TSNARE1: variants seen among roughly 807,000 people sequenced by gnomAD.
TSNARE1 encodes t-SNARE domain-containing protein 1.
TSNARE1 carries 49 observed loss-of-function variants against 62.0 expected under a neutral mutation model. That is an observed-to-expected ratio of 0.79 (90% CI 0.63 to 1.00). The LOEUF (loss-of-function observed/expected upper bound fraction) is 1.00, where lower values mean the gene tolerates loss of function less well. Ranked by LOEUF, TSNARE1 falls within the 50% of genes least tolerant of loss-of-function variation. TSNARE1 has a pLI of 0.00. For synonymous variants in TSNARE1, 328 were observed against 294.4 expected (o/e 1.11, Z -1.17); for missense variants, 755 against 700.1 (o/e 1.08, Z -0.88).
chr8:142,331,659 G>C (rs1042863358), intron 5 of TSNARE1, 95 bp downstream of exon 5: 4 of 1,224,310 alleles, frequency 3.3e-6, no homozygotes, highest in East Asian at 2.6e-5. Context: ...GATGGCCTGA[G>C]GGGGGAAGCC....
intron 6 of TSNARE1, among the ~76,000 whole-genome samples, chr8:142,324,484 T>G (rs1829915426): frequency 6.6e-6 from 1 of 152,160 alleles, no homozygotes; most frequent in Non-Finnish European, 1.5e-5. Context: ...TGAGGCCCAT[T>G]TGCCCTAGCG....
chr8:142,281,146 G>C (rs1276460852), intron 11 of TSNARE1, among the ~76,000 whole-genome samples: 1 of 152,180 alleles, frequency 6.6e-6, no homozygotes, highest in Non-Finnish European at 1.5e-5. Flanking sequence ...AGCTCAGTCA[G>C]GGCATGGAGG....
chr8:142,375,993 C>G (rs1296442642), intron 1 of TSNARE1, among the ~76,000 whole-genome samples: 2 of 152,108 alleles, frequency 1.3e-5, no homozygotes, highest in Non-Finnish European at 2.9e-5. Flanking sequence ...CAACAGAGGC[C>G]CCTGTGCTGG....
chr8:142,380,835 A>G (rs577080616), intron 1 of TSNARE1, among the ~76,000 whole-genome samples: 2 of 152,262 alleles, frequency 1.3e-5, no homozygotes, highest in African/African-American at 4.8e-5. Context: ...AGTTTTCTAC[A>G]AGGAACGAGT....
intron 12 of TSNARE1, among the ~76,000 whole-genome samples, chr8:142,265,793 G>T (rs1027544591): frequency 5.9e-5 from 9 of 152,182 alleles, no homozygotes; most frequent in African/African-American, 2.2e-4. Flanking sequence ...CGCGGTGTGG[G>T]CTTAATGTGT....
At chr8:142,403,791 G>T (rs9802048), upstream of TSNARE1, 124,029 of 152,242 alleles carry the variant, frequency 0.81, 50,583 homozygotes, top group Middle Eastern at 0.85. Context: ...GTGCAGAGTA[G>T]GGAGCCCCTT....
intron 1 of TSNARE1, among the ~76,000 whole-genome samples, chr8:142,389,475 A>T (rs1194913014): frequency 2.0e-5 from 3 of 152,252 alleles, no homozygotes. Context: ...CTGAACATTT[A>T]TCCTGCACAT....
At chr8:142,305,052 C>T (rs1826432598) in intron 9 of TSNARE1, among the ~76,000 whole-genome samples, 1 of 152,188 alleles carries the variant, frequency 6.6e-6, no homozygotes, top group South Asian at 2.1e-4. Context: ...AGCCTGCCCT[C>T]GGCCCTGACA....
chr8:142,387,365 T>C (rs1416539566), intron 1 of TSNARE1, among the ~76,000 whole-genome samples: 1 of 152,050 alleles, frequency 6.6e-6, no homozygotes, highest in Non-Finnish European at 1.5e-5. Flanking sequence ...ACCAGACATT[T>C]AGAAAAACGA....
intron 12 of TSNARE1, among the ~76,000 whole-genome samples, chr8:142,262,362 ATTT>A (rs1271999201): frequency 6.6e-6 from 1 of 151,752 alleles, no homozygotes; most frequent in Admixed American, 6.6e-5. Flanking sequence ...TTTATTTAGA[ATTT>A]TTTATGTATT....
intron 12 of TSNARE1, among the ~76,000 whole-genome samples, chr8:142,250,217 C>T (rs1818094944): frequency 6.6e-6 from 1 of 152,144 alleles, no homozygotes; most frequent in African/African-American, 2.4e-5. Context: ...CGGATTTTTA[C>T]AGCCATTCTC....
chr8:142,286,136 C>T (rs1822707702), intron 10 of TSNARE1, among the ~76,000 whole-genome samples: 1 of 152,194 alleles, frequency 6.6e-6, no homozygotes, highest in African/African-American at 2.4e-5. Context: ...GCAAGCCTGG[C>T]CACCTCAAGC....
intron 7 of TSNARE1, among the ~76,000 whole-genome samples, chr8:142,315,477 C>A (rs1257564077): frequency 1.3e-5 from 2 of 152,248 alleles, no homozygotes; most frequent in Non-Finnish European, 2.9e-5. Context: ...AACCATCCCC[C>A]TCCCCAGCAT....
intron 10 of TSNARE1, among the ~76,000 whole-genome samples, chr8:142,289,355 G>C (rs2131021196): frequency 6.6e-6 from 1 of 152,274 alleles, no homozygotes; most frequent in East Asian, 1.9e-4. Flanking sequence ...AGCACTCTCT[G>C]TATAGAAGGG....
chr8:142,255,222 G>C (rs1818364615), intron 12 of TSNARE1, among the ~76,000 whole-genome samples: 1 of 151,914 alleles, frequency 6.6e-6, no homozygotes, highest in Non-Finnish European at 1.5e-5. Flanking sequence ...CATTCTCCCA[G>C]TGCCCTATGC....
chr8:142,287,761 C>A (rs1418071077), intron 10 of TSNARE1, among the ~76,000 whole-genome samples: 2 of 147,600 alleles, frequency 1.4e-5, no homozygotes, highest in African/African-American at 5.1e-5. Flanking sequence ...GTCGTGAAAC[C>A]CAGGACCCCG....
intron 1 of TSNARE1, among the ~76,000 whole-genome samples, chr8:142,390,172 G>A (rs1015589075): frequency 6.6e-5 from 10 of 152,266 alleles, no homozygotes; most frequent in Non-Finnish European, 1.2e-4. Context: ...AGTTGCCTGC[G>A]TGCGTCAGGG....
intron 12 of TSNARE1, among the ~76,000 whole-genome samples, chr8:142,243,961 G>A (rs1817771463): frequency 6.6e-6 from 1 of 152,230 alleles, no homozygotes; most frequent in Non-Finnish European, 1.5e-5. Context: ...GCCGAGGCAG[G>A]CGGATCACGA....
At chr8:142,383,755 G>A (rs755001120) in intron 1 of TSNARE1, among the ~76,000 whole-genome samples, 3 of 152,160 alleles carry the variant, frequency 2.0e-5, no homozygotes, top group East Asian at 1.9e-4. Flanking sequence ...AACTGACCTC[G>A]AGTGTTAAGT....
Sources: allele counts gnomAD v4.1 joint callset (sites outside exome capture counted in the v4.1 genomes callset), GRCh38; gene constraint gnomAD v4.1.1; transcripts MANE v1.5; gene names NCBI Gene and HGNC (gene_info 2026-07-23, HGNC 2026-07-21).